The following CDH13 variants were observed in gnomAD, a reference collection of about 807,000 sequenced individuals.
CDH13 encodes the protein cadherin 13, also known as cadherin-13.
CDH13 carries 24 observed loss-of-function variants against 63.8 expected under a neutral mutation model. The observed-to-expected ratio is 0.38, with a 90% CI of 0.27 to 0.53. CDH13 has a LOEUF of 0.53. Ranked by LOEUF, CDH13 falls within the 20% of genes least tolerant of loss-of-function variation. CDH13 has a pLI of 0.85. For synonymous variants in CDH13, 503 were observed against 355.3 expected, an observed-to-expected ratio of 1.42 and a Z score of -4.67; for missense variants, 1,049 against 903.1, an observed-to-expected ratio of 1.16 and a Z score of -2.07.
chr16:83,424,617 C>A (rs1417622024), intron 6 of CDH13, among the ~76,000 whole-genome samples: 1 of 151,876 alleles, frequency 6.6e-6, no homozygotes, highest in Non-Finnish European at 1.5e-5. Context: ...CACTAAGCCC[C>A]CTCAAAAATA....
intron 7 of CDH13, among the ~76,000 whole-genome samples, chr16:83,568,513 G>C (rs531552316): frequency 1.2e-4 from 19 of 152,306 alleles, no homozygotes; most frequent in Admixed American, 1.1e-3. Context: ...CTCAGTTCAC[G>C]TAGTTCAATG....
At chr16:82,810,889 G>T (rs987092056) in intron 1 of CDH13, among the ~76,000 whole-genome samples, 1 of 152,048 alleles carries the variant, frequency 6.6e-6, no homozygotes, top group African/African-American at 2.4e-5. Flanking sequence ...GGGAAATGGG[G>T]GGAGGTATCA....
intron 1 of CDH13, among the ~76,000 whole-genome samples, chr16:82,736,143 T>C (rs1412134690): frequency 1.3e-5 from 2 of 152,210 alleles, no homozygotes; most frequent in Non-Finnish European, 2.9e-5. Flanking sequence ...ATGTTTCTCC[T>C]TTGCTTAGGG....
chr16:82,890,850 C>A (rs565804626), intron 2 of CDH13, among the ~76,000 whole-genome samples: 1 of 152,030 alleles, frequency 6.6e-6, no homozygotes, highest in African/African-American at 2.4e-5. Context: ...CAGCATTTTA[C>A]CGTGTTGGCC....
chr16:83,529,595 T>G (rs1473332869), intron 7 of CDH13, among the ~76,000 whole-genome samples: 1 of 152,108 alleles, frequency 6.6e-6, no homozygotes, highest in Non-Finnish European at 1.5e-5. Context: ...ATCATAAAAA[T>G]TCCCTGTGTG....
chr16:83,571,868 A>T (rs1214660762), intron 7 of CDH13, among the ~76,000 whole-genome samples: 1 of 152,152 alleles, frequency 6.6e-6, no homozygotes, highest in Non-Finnish European at 1.5e-5. Flanking sequence ...GGCTCCTCAC[A>T]TGAAACGTGC....
intron 1 of CDH13, among the ~76,000 whole-genome samples, chr16:82,851,036 G>A (rs914067350): frequency 6.6e-6 from 1 of 152,142 alleles, no homozygotes; most frequent in Non-Finnish European, 1.5e-5. Context: ...CAGTATCTCC[G>A]AGGGATGCCT....
At chr16:83,390,051 T>A (rs1394204488) in intron 6 of CDH13, among the ~76,000 whole-genome samples, 1 of 133,192 alleles carries the variant, frequency 7.5e-6, no homozygotes, top group Non-Finnish European at 1.5e-5. Context: ...GCTACCCTTG[T>A]AATTTTCCCA....
At chr16:82,761,417 T>C (rs1485027643) in intron 1 of CDH13, among the ~76,000 whole-genome samples, 1 of 152,204 alleles carries the variant, frequency 6.6e-6, no homozygotes, top group Non-Finnish European at 1.5e-5. Context: ...TGAGAACATT[T>C]AGTCACAGAG....
intron 11 of CDH13, among the ~76,000 whole-genome samples, chr16:83,751,651 C>G (rs971345466): frequency 6.6e-6 from 1 of 152,156 alleles, no homozygotes; most frequent in Non-Finnish European, 1.5e-5. Flanking sequence ...TAGCAGGTAT[C>G]TTAGTTGATG....
At chr16:83,221,617 G>T (rs986021657) in intron 5 of CDH13, among the ~76,000 whole-genome samples, 3 of 151,738 alleles carry the variant, frequency 2.0e-5, no homozygotes, top group African/African-American at 4.8e-5. Flanking sequence ...TGACGGGAGT[G>T]GAGTGGGAGA....
intron 2 of CDH13, among the ~76,000 whole-genome samples, chr16:82,992,847 T>C (rs1911804174): frequency 6.6e-6 from 1 of 152,168 alleles, no homozygotes; most frequent in Admixed American, 6.5e-5. Flanking sequence ...CATGCTGAGA[T>C]GATAATCAAA....
At chr16:82,779,937 G>T (rs575514176) in intron 1 of CDH13, among the ~76,000 whole-genome samples, 34 of 152,268 alleles carry the variant, frequency 2.2e-4, no homozygotes, top group Admixed American at 9.8e-4. Flanking sequence ...CTGCACATGT[G>T]TATCATGTTA....
chr16:82,680,269 C>T (rs4081995), intron 1 of CDH13, among the ~76,000 whole-genome samples: 15,838 of 152,254 alleles, frequency 0.1, 955 homozygotes, highest in Middle Eastern at 0.18. Context: ...GCACATCCTA[C>T]ATGTGACTCT....
rs185579474 is a variant in CDH13, at chr16:83,122,829, C to T, written c.367-2556C>T. ...GGTACAAGTGCAGGCTTCTTACATG[C>T]ACACACTGTGTAGTGGGAAGTGTGG... On this transcript the variant is annotated intron_variant, in intron 3 of 13. Coordinates refer to ENST00000567109, the MANE Select transcript of CDH13 (RefSeq NM_001257.5). 2.2e-4 allele frequency among the ~76,000 whole-genome samples: 33 copies of T among 152,210 alleles called. No homozygotes were observed. The East Asian group carries it at 5.2e-3, about 24-fold the overall frequency.
intron 1 of CDH13, among the ~76,000 whole-genome samples, chr16:82,769,370 A>C (rs747440316): frequency 2.0e-5 from 3 of 152,232 alleles, no homozygotes; most frequent in Non-Finnish European, 4.4e-5. Flanking sequence ...CATCAAAAAA[A>C]GAAAGAGCCA....
At chr16:83,533,204 G>A (rs776067544) in intron 7 of CDH13, among the ~76,000 whole-genome samples, 45 of 152,226 alleles carry the variant, frequency 3.0e-4, no homozygotes, top group Admixed American at 1.2e-3. Flanking sequence ...CGCTGGAGAA[G>A]GGTAAACATA....
intron 6 of CDH13, among the ~76,000 whole-genome samples, chr16:83,414,732 T>C (rs1319446786): frequency 1.3e-5 from 2 of 152,228 alleles, no homozygotes; most frequent in South Asian, 2.1e-4. Context: ...ATCCATGTTG[T>C]TGCATATTGC....
intron 3 of CDH13, among the ~76,000 whole-genome samples, chr16:83,078,767 C>T (rs1459453515): frequency 1.3e-5 from 2 of 152,114 alleles, no homozygotes; most frequent in Non-Finnish European, 2.9e-5. Flanking sequence ...GTTTAGCCTC[C>T]AGTTTTTTGT....
Sources: allele counts gnomAD v4.1 joint callset (sites outside exome capture counted in the v4.1 genomes callset), GRCh38; gene constraint gnomAD v4.1.1; transcripts MANE v1.5; gene names NCBI Gene and HGNC (gene_info 2026-07-23, HGNC 2026-07-21).